EOGT: variants seen among roughly 807,000 people sequenced by gnomAD.
EOGT encodes EGF domain-specific O-linked N-acetylglucosamine transferase.
In EOGT, 55 loss-of-function variants were observed where a neutral mutation model predicts 70.5. The observed-to-expected ratio is 0.78, with a 90% CI of 0.63 to 0.98. The LOEUF is 0.98. Ranked by LOEUF, EOGT falls within the 50% of genes least tolerant of loss-of-function variation. The probability of loss-of-function intolerance (pLI) is 0.00; values close to 1 mark genes in which losing one functional copy is unlikely to be tolerated. For synonymous variants in EOGT, 246 were observed against 217.1 expected (o/e 1.13, Z -1.17); for missense variants, 703 against 641.9 (o/e 1.10, Z -1.03).
rs969101274 is a variant in EOGT, at chr3:68,989,013, G to A, written c.836C>T (p.Ser279Phe). The change falls in exon 11 of 18, where the codon TCT (serine) becomes TTT (phenylalanine). Residue 279 changes from serine to phenylalanine, a missense_variant. Transcript: ENST00000383701. Reference sequence around the variant, plus strand: ...GGAGAATAGGTCACCATATCCGTAAGAACTCTGAAAGTAGAAACAAAACAA... The same window carrying A: ...GGAGAATAGGTCACCATATCCGTAAAAACTCTGAAAGTAGAAACAAAACAA... The part of the protein sequence containing the change: ...DVYIVMWDTS[S>F]YGYGDLFSDT... 4.6e-6 allele frequency: 7 copies of A among 1,518,720 alleles called. No individual in the cohort carries two copies. Among genetic ancestry groups the A allele is most frequent in the Non-Finnish European group, 6.2e-6 (7 of 1,134,656 alleles). 94.1% of individuals were successfully genotyped at this position (1,518,720 alleles called of 1,614,324 possible). A position where few individuals can be genotyped will look rare whatever the true frequency, so the allele number is the denominator to read the frequency against.
chr3:68,992,158 C>G (rs941236322), intron 10 of EOGT, among the ~76,000 whole-genome samples: 2 of 152,140 alleles, frequency 1.3e-5, no homozygotes, highest in African/African-American at 4.8e-5. Context: ...CATGCCTTCC[C>G]AACAGTCCCC....
intron 10 of EOGT, among the ~76,000 whole-genome samples, chr3:68,994,325 C>T (rs1357232115): frequency 6.6e-6 from 1 of 152,094 alleles, no homozygotes; most frequent in Non-Finnish European, 1.5e-5. Context: ...GCCTGGGTGA[C>T]ATATTTGCAC....
rs56000169 is a variant in EOGT at position 68,989,748 on chromosome 3, C to CA, written c.832-732dup. Among the ~76,000 whole-genome samples, 300 of 93,046 alleles carry CA rather than the reference C, an allele frequency of 3.2e-3. 4 individuals carry two copies. The highest frequency in any genetic ancestry group is 0.013 in the East Asian group (24 of 1,860). The allele number at this position is 93,046 out of a possible 152,430, so 61.0% of individuals were successfully genotyped here. On this transcript the variant is annotated intron_variant, in intron 10 of 17. Transcript: ENST00000383701. ...GGGCAACAAGAGCGAAACTCCATCTCAAAAAAAAAAAAAAAAAAAAAAGAA... is the reference window on the plus strand; with the variant it reads ...GGGCAACAAGAGCGAAACTCCATCTCAAAAAAAAAAAAAAAAAAAAAAAGAA...
At chr3:69,013,277 A>T (rs1415824451) in intron 1 of EOGT, among the ~76,000 whole-genome samples, 1 of 150,990 alleles carries the variant, frequency 6.6e-6, no homozygotes, top group African/African-American at 2.4e-5. Flanking sequence ...GGCCCCGGGG[A>T]GCGGCTCCGC....
intron 5 of EOGT, among the ~76,000 whole-genome samples, chr3:69,008,145 C>T (rs1448779034): frequency 1.3e-5 from 2 of 152,158 alleles, no homozygotes; most frequent in Admixed American, 6.5e-5. Flanking sequence ...ATACTTAATT[C>T]TCCCAGGAAG....
chr3:68,994,270 G>A (rs1166206769), intron 10 of EOGT, among the ~76,000 whole-genome samples: 2 of 152,140 alleles, frequency 1.3e-5, no homozygotes, highest in African/African-American at 2.4e-5. Context: ...CCTGAGCCCA[G>A]GAGAGCAAGG....
chr3:68,988,615 C>T (rs532021290), intron 11 of EOGT, 38 bp from the exon 12 acceptor site: 20 of 1,223,508 alleles, frequency 1.6e-5, no homozygotes, highest in Middle Eastern at 2.6e-4. Context: ...ATGTAATTTG[C>T]ACCCTTCACA....
intron 8 of EOGT, among the ~76,000 whole-genome samples, chr3:69,004,076 A>T (rs1038243406): frequency 6.6e-6 from 1 of 152,220 alleles, no homozygotes; most frequent in African/African-American, 2.4e-5. Context: ...AACATTATGT[A>T]AGTAACCTAT....
At chr3:68,979,639 T>G (rs772035871) in intron 16 of EOGT, 29 bp downstream of exon 16, 18 of 1,609,222 alleles carry the variant, frequency 1.1e-5, no homozygotes, top group Non-Finnish European at 1.5e-5. Flanking sequence ...ATCAGTTGCT[T>G]CAGTGTAAAA....
chr3:68,983,857 G>A (rs534669780), intron 14 of EOGT, among the ~76,000 whole-genome samples: 3 of 152,166 alleles, frequency 2.0e-5, no homozygotes, highest in African/African-American at 2.4e-5. Context: ...CAGCTACTCG[G>A]GAGGCTAAGA....
intron 11 of EOGT, 146 bp downstream of exon 11, chr3:68,988,779 A>T: frequency 1.6e-6 from 1 of 634,242 alleles, no homozygotes; most frequent in Non-Finnish European, 2.6e-6. Context: ...GATTAACAAC[A>T]CTGAGGATTC....
chr3:68,988,471 T>C (rs770794928), intron 12 of EOGT, 35 bp downstream of exon 12: 29 of 1,500,332 alleles, frequency 1.9e-5, no homozygotes, highest in Non-Finnish European at 2.6e-5. Context: ...GTTATGTCTG[T>C]AAATATGAAT....
intron 13 of EOGT, among the ~76,000 whole-genome samples, chr3:68,988,031 C>T (rs1357347355): frequency 2.0e-5 from 3 of 152,230 alleles, no homozygotes; most frequent in Non-Finnish European, 4.4e-5. Flanking sequence ...TCTCATGCCC[C>T]AGCCTCCTGA....
chr3:68,980,014 T>C (rs2090591951), intron 15 of EOGT, among the ~76,000 whole-genome samples: 1 of 152,222 alleles, frequency 6.6e-6, no homozygotes. Flanking sequence ...CCTTTTAGGT[T>C]TAAGTACTTT....
At chr3:69,005,274 A>G in intron 6 of EOGT, 40 bp from the exon 7 acceptor site, 1 of 1,184,276 alleles carries the variant, frequency 8.4e-7, no homozygotes, top group Non-Finnish European at 1.2e-6. Context: ...TCTGAGTATT[A>G]ACACAGCAAA....
intron 7 of EOGT, among the ~76,000 whole-genome samples, chr3:69,004,905 AT>A (rs1383358767): frequency 6.6e-6 from 1 of 152,036 alleles, no homozygotes; most frequent in Non-Finnish European, 1.5e-5. Context: ...CTCTTCAAAA[AT>A]TAAAAAATTA....
At chr3:68,997,963 G>T in intron 10 of EOGT, 48 bp downstream of exon 10, 1 of 1,098,356 alleles carries the variant, frequency 9.1e-7, no homozygotes, top group East Asian at 2.5e-5. Flanking sequence ...GTCACACACT[G>T]ATACAAGGGA....
Position 68,998,226 on chromosome 3 carries a change from G to A in EOGT, c.728-112C>T. On this transcript the variant is annotated intron_variant, in intron 9 of 17. Transcript: ENST00000383701. ...TAAGAGAATTTTAGTTTAAATAAATGGGGAAAAAAATAACTGTTTTGTTTT... is the reference window on the plus strand; with the variant it reads ...TAAGAGAATTTTAGTTTAAATAAATAGGGAAAAAAATAACTGTTTTGTTTT... 10 of 647,192 alleles carry A rather than the reference G, an allele frequency of 1.5e-5. No individual in the cohort carries two copies. In the South Asian group the frequency reaches 1.9e-4, roughly 12 times the overall value. The allele number at this position is 647,192 out of a possible 1,614,324, so 40.1% of individuals were successfully genotyped here.
rs565388453 is a variant in EOGT at position 68,981,282 on chromosome 3, T to C, written c.1215-1495A>G. On this transcript the variant is annotated intron_variant, in intron 15 of 17. Coordinates refer to ENST00000383701, the MANE Select transcript of EOGT (RefSeq NM_001278689.2). ...GGCTATGCCATCCGCCATAATGGGA[T>C]TCCTACTGCTGAGACTGGTGACCAG... Among the ~76,000 whole-genome samples the C allele has an allele frequency of 2.0e-5, 3 of 152,334 alleles. 1 individual carries two copies. The highest frequency in any genetic ancestry group is 4.1e-4 in the South Asian group (2 of 4,832).
Sources: gnomAD v4.1 joint callset for allele counts (sites outside exome capture counted in the v4.1 genomes callset) on GRCh38, gnomAD v4.1.1 for gene constraint, MANE v1.5 for transcripts, NCBI Gene and HGNC (gene_info 2026-07-23, HGNC 2026-07-21) for gene names.